Variants in HHLA2 observed in about 807,000 individuals in gnomAD.
HHLA2 encodes the protein HERV-H LTR-associating protein 2.
Under a neutral mutation model 45.9 loss-of-function variants are expected in HHLA2, and 48 were observed. The observed-to-expected ratio is 1.05, with a 90% CI of 0.83 to 1.33. HHLA2 has a LOEUF of 1.33. HHLA2 is among the 40% of genes most tolerant of loss of function. HHLA2 has a pLI of 0.00. For missense variants in HHLA2, 462 were observed against 494.3 expected (o/e 0.93, Z 0.62); for synonymous variants, 161 against 173.9 (o/e 0.93, Z 0.59).
chr3:108,316,621 G>A (rs2081107513), intron 2 of HHLA2, among the ~76,000 whole-genome samples: 1 of 152,068 alleles, frequency 6.6e-6, no homozygotes, highest in Admixed American at 6.5e-5. Flanking sequence ...TGCTGGAAAG[G>A]GAGACAGTTA....
exon 5 of HHLA2, chr3:108,353,673 C>T (rs771206254): frequency 3.1e-5 from 50 of 1,613,470 alleles, no homozygotes; most frequent in African/African-American, 1.7e-4. Flanking sequence ...AATGGGAATG[C>T]GTCGCTATTT....
Position 108,325,453 on chromosome 3 carries a change from C to G in HHLA2, c.-104-2817C>G, listed in dbSNP as rs2081270762. On this transcript the variant is annotated intron_variant, in intron 2 of 10. Coordinates refer to ENST00000619531, the Ensembl canonical transcript of HHLA2. Reference sequence around the variant, plus strand: ...AAATCTGTTGTAACCTGTACCTCCCCTGTCACTTCTCTGGCTCTCCTCTCC... The same window carrying G: ...AAATCTGTTGTAACCTGTACCTCCCGTGTCACTTCTCTGGCTCTCCTCTCC... 1.5e-5 allele frequency: 6 copies of G among 391,652 alleles called. No individual in the cohort carries two copies. The Admixed American group carries it at 1.6e-4, about 11-fold the overall frequency. 24.3% of individuals were successfully genotyped at this position (391,652 alleles called of 1,614,324 possible). A position where few individuals can be genotyped will look rare whatever the true frequency, so the allele number is the denominator to read the frequency against.
At chr3:108,362,935 T>C (rs2082004992) in intron 8 of HHLA2, among the ~76,000 whole-genome samples, 1 of 152,150 alleles carries the variant, frequency 6.6e-6, no homozygotes, top group Non-Finnish European at 1.5e-5. Context: ...GGAAGCCAGA[T>C]ACCTCCTTAA....
chr3:108,330,118 G>A (rs1364224516), intron 3 of HHLA2, among the ~76,000 whole-genome samples: 1 of 152,200 alleles, frequency 6.6e-6, no homozygotes, highest in Non-Finnish European at 1.5e-5. Flanking sequence ...CTCTTCAAGA[G>A]TGAGTGATCA....
chr3:108,365,960 T>C (rs543456894), intron 8 of HHLA2, among the ~76,000 whole-genome samples: 1 of 152,298 alleles, frequency 6.6e-6, no homozygotes, highest in African/African-American at 2.4e-5. Context: ...CCGTTCCTAT[T>C]TGAATACTCT....
intron 8 of HHLA2, among the ~76,000 whole-genome samples, chr3:108,371,441 C>T (rs902264749): frequency 1.3e-5 from 2 of 152,180 alleles, no homozygotes; most frequent in Non-Finnish European, 2.9e-5. Context: ...AACCAGCTAA[C>T]ATCATAATGA....
intron 1 of HHLA2, among the ~76,000 whole-genome samples, chr3:108,300,512 T>C (rs547665489): frequency 7.2e-5 from 11 of 152,240 alleles, no homozygotes; most frequent in Non-Finnish European, 1.3e-4. Context: ...AAAAGCATGG[T>C]TTGCTGGGGC....
At chr3:108,341,545 ATCT>A (rs2081571841) in intron 3 of HHLA2, among the ~76,000 whole-genome samples, 1 of 152,176 alleles carries the variant, frequency 6.6e-6, no homozygotes, top group African/African-American at 2.4e-5. Context: ...AATATAACAC[ATCT>A]TCTTTCAACA....
At chr3:108,340,285 T>G (rs2081541505) in intron 3 of HHLA2, among the ~76,000 whole-genome samples, 1 of 152,198 alleles carries the variant, frequency 6.6e-6, no homozygotes, top group Admixed American at 6.5e-5. Context: ...TGGAAGCCAA[T>G]GCAAGGAGAC....
At chr3:108,340,910 TCCTTCCTTCCTTCC>T (rs1170361663) in intron 3 of HHLA2, among the ~76,000 whole-genome samples, 3 of 69,940 alleles carry the variant, frequency 4.3e-5, no homozygotes, top group South Asian at 5.8e-4. Context: ...TTTTTTTTTT[TCCTTCCTTCCTTCC>T]TTCCTTCCTT....
At chr3:108,318,949 C>T (rs559488594) in intron 2 of HHLA2, among the ~76,000 whole-genome samples, 1 of 152,304 alleles carries the variant, frequency 6.6e-6, no homozygotes, top group Non-Finnish European at 1.5e-5. Context: ...CTTTTCTCCA[C>T]TTCGCAAATA....
intron 1 of HHLA2, among the ~76,000 whole-genome samples, chr3:108,309,283 T>C (rs1030233881): frequency 6.6e-6 from 1 of 152,220 alleles, no homozygotes; most frequent in Non-Finnish European, 1.5e-5. Flanking sequence ...CCCCAGTGAA[T>C]GTTCTTGGTA....
chr3:108,345,249 T>A (rs2081641215), intron 3 of HHLA2, among the ~76,000 whole-genome samples: 1 of 152,200 alleles, frequency 6.6e-6, no homozygotes, highest in Non-Finnish European at 1.5e-5. Context: ...AAGCCACCAC[T>A]GGGGCAGGGA....
intron 2 of HHLA2, among the ~76,000 whole-genome samples, chr3:108,319,371 G>A (rs1221362090): frequency 6.6e-6 from 1 of 151,966 alleles, no homozygotes; most frequent in Non-Finnish European, 1.5e-5. Flanking sequence ...TTCCTTCCTC[G>A]ACTCTTTTCA....
intron 3 of HHLA2, chr3:108,328,414 C>A: frequency 9.9e-7 from 1 of 1,012,024 alleles, no homozygotes; most frequent in Non-Finnish European, 1.4e-6. Flanking sequence ...AAAATTACTG[C>A]ATGACCAGGA....
Position 108,376,489 on chromosome 3 carries a change from G to C in HHLA2, c.1160-4G>C. 1 of 1,592,462 alleles carries C rather than the reference G, an allele frequency of 6.3e-7. No homozygotes were observed. Among genetic ancestry groups the C allele is most frequent in the Non-Finnish European group, 8.5e-7 (1 of 1,173,012 alleles). ...TTTTTAAGTTCTCTTTTTTTTTCCTGTAGAAAGATGTTGTGTCCCTCCTGG... is the reference window on the plus strand; with the variant it reads ...TTTTTAAGTTCTCTTTTTTTTTCCTCTAGAAAGATGTTGTGTCCCTCCTGG... On this transcript the variant is annotated splice_polypyrimidine_tract_variant and splice_region_variant and intron_variant, in intron 9 of 10. Transcript: ENST00000619531.
intron 8 of HHLA2, 26 bp downstream of exon 7, chr3:108,362,472 C>T: frequency 2.2e-6 from 3 of 1,391,952 alleles, no homozygotes; most frequent in Non-Finnish European, 3.0e-6. Flanking sequence ...GGGCTCTGCC[C>T]CACGTGTTCC....
chr3:108,328,425 A>T, intron 3 of HHLA2: 1 of 907,532 alleles, frequency 1.1e-6, no homozygotes, highest in Non-Finnish European at 1.6e-6. Flanking sequence ...ATGACCAGGA[A>T]ACATTTTAAT....
At chr3:108,364,629 A>G (rs889480737) in intron 8 of HHLA2, among the ~76,000 whole-genome samples, 2 of 152,142 alleles carry the variant, frequency 1.3e-5, no homozygotes, top group Admixed American at 6.5e-5. Context: ...AAGCATTCCT[A>G]TTTCTCCATA....
Sources: allele counts gnomAD v4.1 joint callset (sites outside exome capture counted in the v4.1 genomes callset), GRCh38; gene constraint gnomAD v4.1.1; transcripts MANE v1.5; gene names NCBI Gene and HGNC (gene_info 2026-07-23, HGNC 2026-07-21).